CCAR2: variants seen among roughly 807,000 people sequenced by gnomAD.
CCAR2 encodes cell cycle and apoptosis regulator 2.
A neutral mutation model predicts 108.1 loss-of-function variants in CCAR2; 21 were observed. That is an observed-to-expected ratio of 0.19 (90% CI 0.14 to 0.28). The LOEUF is 0.28. CCAR2 is among the 10% of genes least tolerant of loss of function. The pLI is 1.00. For missense variants in CCAR2, 1,126 were observed against 1,177.0 expected (o/e 0.96, Z 0.63); for synonymous variants, 577 against 472.8 (o/e 1.22, Z -2.86).
Position 22,618,435 on chromosome 8 carries a change from G to T in CCAR2, c.2160G>T (p.Leu720Phe). The T allele has an allele frequency of 6.2e-7, 1 of 1,614,206 alleles. No individual in the cohort carries two copies. The highest frequency in any genetic ancestry group is 8.5e-7 in the Non-Finnish European group (1 of 1,180,050). Residue 720 changes from leucine (L) to phenylalanine (F), a missense_variant, in exon 17 of 21, where the codon TTG becomes TTT. Transcript: ENST00000308511. ...VFFDANWCGY[L>F]HRRDLERILL... is the part of the protein sequence containing the mutation. ...TTGATGCCAACTGGTGTGGCTACTT[G>T]CACCGGCGAGACTTAGAGAGGATCC...
chr8:22,621,297 A>G, downstream of CCAR2: 1 of 1,305,144 alleles, frequency 7.7e-7, no homozygotes, highest in Non-Finnish European at 1.0e-6. Context: ...ATTCATTGCA[A>G]AGGGCCGGCA....
rs748261240 is a variant in CCAR2 at position 22,614,253 on chromosome 8, C to G, written c.866C>G (p.Ala289Gly). The stretch of plus-strand genomic sequence containing the variant: ...ATCCAGGTCTCTTCTGAAAAGGAGG[C>G]AGCTCCAGACGCTGGTGCTGAGCCC... ...SRIQVSSEKE[A>G]APDAGAEPIT... is the part of the protein sequence containing the mutation. Residue 289 changes from alanine (A) to glycine (G), a missense_variant, in exon 9 of 21, where the codon GCA (alanine) becomes GGA (glycine). Ala to Gly is a moderately conservative substitution (Grantham distance 60). Around this residue, in one of 4 missense-constraint regions of CCAR2, gnomAD observed 1,013 missense variants for 993.9 expected, o/e 1.02. Transcript: ENST00000308511. 1 of 1,614,092 alleles carries G rather than the reference C, an allele frequency of 6.2e-7. No homozygotes were observed. The highest frequency in any genetic ancestry group is 8.5e-7 in the Non-Finnish European group (1 of 1,180,042).
chr8:22,607,407 A>G (rs1459947500), intron 6 of CCAR2, 82 bp downstream of exon 6: 1 of 1,547,986 alleles, frequency 6.5e-7, no homozygotes, highest in Non-Finnish European at 8.7e-7. Context: ...TGCTCTTAGC[A>G]TAGAGGTGGG....
chr8:22,619,825 C>T lies in CCAR2; in HGVS notation c.*143C>T, dbSNP rs201060953. The stretch of plus-strand genomic sequence containing the variant: ...GACCCCATGCTCAGCCTCTAGGGGA[C>T]GGCAGGCCATCAGGCTGGGGGCTGT... On this transcript the variant is annotated 3_prime_UTR_variant, in exon 21 of 21. Transcript: ENST00000308511. 4.3e-5 allele frequency: 36 copies of T among 833,810 alleles called. No individual in the cohort carries two copies. The highest frequency in any genetic ancestry group is 6.1e-5 in the Non-Finnish European group (32 of 520,332). 51.7% of individuals were successfully genotyped at this position (833,810 alleles called of 1,614,324 possible).
chr8:22,615,169 C>T (rs1340275333), intron 11 of CCAR2, 168 bp downstream of exon 11: 40 of 1,011,870 alleles, frequency 4.0e-5, no homozygotes, highest in Non-Finnish European at 5.2e-5. Context: ...CAAAATCTGG[C>T]TGAGCCACCA....
Position 22,615,605 on chromosome 8 carries a change from G to T in CCAR2, c.1377+9G>T, listed in dbSNP as rs749797028. ...CCCAGGAGGCACAAGGGGTAAGGCTGTGCCTTAGCCAGCAGCGGGGGATAT... is the reference window on the plus strand; with the variant it reads ...CCCAGGAGGCACAAGGGGTAAGGCTTTGCCTTAGCCAGCAGCGGGGGATAT... On this transcript the variant is annotated intron_variant, in intron 12 of 20. Transcript: ENST00000308511. The T allele has an allele frequency of 7.4e-6, 12 of 1,613,780 alleles. No individual in the cohort carries two copies. The highest frequency in any genetic ancestry group is 1.0e-5 in the Non-Finnish European group (12 of 1,179,886).
At chr8:22,611,205 AC>A (rs1163209966) in intron 7 of CCAR2, among the ~76,000 whole-genome samples, 3 of 151,878 alleles carry the variant, frequency 2.0e-5, no homozygotes, top group Admixed American at 1.3e-4. Context: ...TACTAAAAAT[AC>A]AAAAATTAGC....
In CCAR2 at chr8:22,605,752, C is replaced by G. The variant is rs1401197929; in HGVS notation, c.-22C>G. On this transcript the variant is annotated 5_prime_UTR_variant, in exon 2 of 21. Coordinates refer to ENST00000308511, the MANE Select transcript of CCAR2 (RefSeq NM_001393997.1). ...GGATTGAAGCCTTTTCCCCACGACT[C>G]TGAAAGAGGACAGCGTTCCCAATGT... The G allele has an allele frequency of 1.2e-6, 2 of 1,611,078 alleles. No individual in the cohort carries two copies. Among genetic ancestry groups the G allele is most frequent in the East Asian group, 2.2e-5 (1 of 44,832 alleles).
chr8:22,608,533 T>A (rs1358265726), intron 7 of CCAR2, among the ~76,000 whole-genome samples: 2 of 152,152 alleles, frequency 1.3e-5, no homozygotes, highest in Non-Finnish European at 2.9e-5. Flanking sequence ...TGCCTGGGAG[T>A]TCAGGCCCCC....
intron 7 of CCAR2, among the ~76,000 whole-genome samples, chr8:22,609,735 A>G (rs1296423873): frequency 6.6e-6 from 1 of 152,102 alleles, no homozygotes; most frequent in Non-Finnish European, 1.5e-5. Flanking sequence ...GCCTGGGTGA[A>G]ACTCTGTGAC....
chr8:22,609,515 A>T (rs1318843553), intron 7 of CCAR2, among the ~76,000 whole-genome samples: 1 of 152,108 alleles, frequency 6.6e-6, no homozygotes, highest in Non-Finnish European at 1.5e-5. Context: ...CACTGCTTGA[A>T]ACCCTGTGTC....
rs187968747 is a variant in CCAR2, at chr8:22,613,498, C to T, written c.704+362C>T. Among the ~76,000 whole-genome samples, 495 of 152,048 alleles carry T rather than the reference C, an allele frequency of 3.3e-3. 1 individual carries two copies. The highest frequency in any genetic ancestry group is 0.024 in the Middle Eastern group (7 of 294). ...TCTACCTACACCTGTGTGTTTGTTG[C>T]GATCAATTTCTAGAAATGGAGCAGC... On this transcript the variant is annotated intron_variant, in intron 8 of 20. Transcript: ENST00000308511.
At chr8:22,608,321 C>A (rs899372761) in intron 7 of CCAR2, among the ~76,000 whole-genome samples, 22 of 152,148 alleles carry the variant, frequency 1.4e-4, no homozygotes. Context: ...TGATACAGTT[C>A]ATCTTTCAAA....
Position 22,618,711 on chromosome 8 carries a change from C to T in CCAR2, c.2315C>T (p.Pro772Leu), listed in dbSNP as rs1311463420. The T allele has an allele frequency of 1.9e-6, 3 of 1,614,038 alleles. No homozygotes were observed. The highest frequency in any genetic ancestry group is 2.2e-5 in the South Asian group (2 of 91,090). Residue 772 changes from proline (P) to leucine (L), a missense_variant, in exon 18 of 21, where the codon CCC (proline) becomes CTC (leucine). This residue lies in a region of CCAR2 where 1,013 missense variants were observed against 993.9 expected (regional missense o/e 1.02). Transcript: ENST00000308511. The part of the protein sequence containing the change: ...SRQEGLDGGL[P>L]EEVLFGNLDL... ...CAGGAGGGCCTGGATGGTGGCCTTC[C>T]CGAGGAGGTGCTCTTCGGTATGTTC... is the stretch of plus-strand genomic sequence containing the variant.
intron 14 of CCAR2, among the ~76,000 whole-genome samples, chr8:22,616,943 G>A (rs1426114171): frequency 2.5e-5 from 2 of 79,616 alleles, no homozygotes; most frequent in African/African-American, 9.5e-5. Flanking sequence ...GTGCAGTGGC[G>A]CAACCTCGGC....
chr8:22,605,794 G>T lies in CCAR2; in HGVS notation c.21G>T (p.Gln7His). ...TCCCAATGTCCCAGTTTAAGCGCCAGCGGATCAACCCGCTTCCAGGGGGAC... is the reference window on the plus strand; with the variant it reads ...TCCCAATGTCCCAGTTTAAGCGCCATCGGATCAACCCGCTTCCAGGGGGAC... MSQFKR[Q>H]RINPLPGGRN... Residue 7 changes from glutamine (Q) to histidine (H), a missense_variant, in exon 2 of 21, where the codon CAG becomes CAT. By Grantham distance (24) the Gln-to-His change is conservative. This residue lies in a region of CCAR2 where 52 missense variants were observed against 63.7 expected (regional missense o/e 0.82). Transcript: ENST00000308511. 1.2e-6 allele frequency: 2 copies of T among 1,614,058 alleles called. No homozygotes were observed. The highest frequency in any genetic ancestry group is 1.7e-6 in the Non-Finnish European group (2 of 1,179,954).
intron 6 of CCAR2, 26 bp downstream of exon 6, chr8:22,607,351 G>C (rs1801115353): frequency 6.2e-7 from 1 of 1,605,868 alleles, no homozygotes; most frequent in South Asian, 1.1e-5. Context: ...ACTGTTGTTG[G>C]GTGTGGCATT....
At chr8:22,607,917 C>T in intron 6 of CCAR2, 52 bp from the exon 7 acceptor site, 1 of 1,496,222 alleles carries the variant, frequency 6.7e-7, no homozygotes, top group African/African-American at 1.4e-5. Flanking sequence ...TGAGCTATTG[C>T]ACCCGGCCGG....
chr8:22,619,125 C>T (rs200810603), intron 19 of CCAR2, 25 bp from the exon 20 acceptor site: 5 of 1,603,514 alleles, frequency 3.1e-6, no homozygotes, highest in Non-Finnish European at 4.3e-6. Context: ...GAGCAGCCGT[C>T]CCCGTTTCCT....
Sources: gnomAD v4.1 joint callset for allele counts (sites outside exome capture counted in the v4.1 genomes callset) on GRCh38, gnomAD v4.1.1 for gene constraint, gnomAD v4.1.1 regional missense constraint, MANE v1.5 for transcripts, NCBI Gene and HGNC (gene_info 2026-07-23, HGNC 2026-07-21) for gene names.